GLIS3: variants seen among roughly 807,000 people sequenced by gnomAD.
GLIS3 encodes GLIS family zinc finger 3.
Under a neutral mutation model 78.6 loss-of-function variants are expected in GLIS3, and 53 were observed. The observed-to-expected ratio is 0.67, with a 90% CI of 0.54 to 0.85. The LOEUF (loss-of-function observed/expected upper bound fraction) is 0.85, where lower values mean the gene tolerates loss of function less well. Ranked by LOEUF, GLIS3 falls within the 40% of genes least tolerant of loss-of-function variation. GLIS3 has a pLI of 0.00. For synonymous variants in GLIS3, 684 were observed against 509.9 expected (o/e 1.34, Z -4.60); for missense variants, 1,703 against 1,231.1 (o/e 1.38, Z -5.74).
At chr9:4,472,185 G>A in the GLIS3 span, among the ~76,000 whole-genome samples, 1 of 152,202 alleles carries the variant, frequency 6.6e-6, no homozygotes, top group Non-Finnish European at 1.5e-5. Flanking sequence ...CATCCATTGT[G>A]GAAGACAGTG....
chr9:4,173,591 CACACACACACAT>C (rs951070541), intron 2 of GLIS3, among the ~76,000 whole-genome samples: 16 of 116,042 alleles, frequency 1.4e-4, no homozygotes, highest in Non-Finnish European at 1.9e-4. Context: ...CACACACACA[CACACACACACAT>C]ATATATGTTT....
chr9:4,380,389 AAATT>A, the GLIS3 span, among the ~76,000 whole-genome samples: 2 of 152,246 alleles, frequency 1.3e-5, no homozygotes, highest in African/African-American at 4.8e-5. Flanking sequence ...GGCAAACTTC[AAATT>A]ATTACTGCCC....
chr9:3,855,883 C>A lies in GLIS3; in HGVS notation c.2473+126G>T, dbSNP rs1032785212. 4.8e-6 allele frequency: 5 copies of A among 1,035,110 alleles called. No homozygotes were observed. In the African/African-American group the frequency reaches 6.3e-5, roughly 13 times the overall value. The allele number at this position is 1,035,110 out of a possible 1,614,324, so 64.1% of individuals were successfully genotyped here. ...CCTATCAAGTGTGAAATTTTAGAGG[C>A]AAGTCATGAAAGCCTAAGCCTGGTG... On this transcript the variant is annotated intron_variant, in intron 9 of 10. Coordinates refer to ENST00000381971, the MANE Select transcript of GLIS3 (RefSeq NM_001042413.2).
chr9:4,082,797 A>G (rs1001019550), intron 4 of GLIS3, among the ~76,000 whole-genome samples: 2 of 152,242 alleles, frequency 1.3e-5, no homozygotes, highest in Admixed American at 1.3e-4. Context: ...TTTGTCAGAC[A>G]TACTAAAGTA....
In GLIS3 at chr9:4,286,221, C is replaced by T. The variant is rs1827980738; in HGVS notation, c.205G>A (p.Ala69Thr). ...HLKMPSGGGM[A>T]PQNNVAESRI... ...CTCTCAGCCACGTTGTTCTGAGGAG[C>T]CATCCCTCCTCCTGAGGGCATCTTG... The change falls in exon 2 of 11, where the codon GCT becomes ACT. Residue 69 changes from alanine (A) to threonine (T), a missense_variant. Coordinates refer to ENST00000381971, the MANE Select transcript of GLIS3 (RefSeq NM_001042413.2). The T allele has an allele frequency of 6.2e-7, 1 of 1,614,210 alleles. No homozygotes were observed. The highest frequency in any genetic ancestry group is 8.5e-7 in the Non-Finnish European group (1 of 1,180,038).
intron 4 of GLIS3, among the ~76,000 whole-genome samples, chr9:4,112,938 T>G (rs1586703810): frequency 6.6e-6 from 1 of 152,138 alleles, no homozygotes; most frequent in Admixed American, 6.6e-5. Context: ...TCTTTCCTTT[T>G]GAGATGTAAC....
chr9:4,286,998 A>AT (rs1163741309), intron 1 of GLIS3, among the ~76,000 whole-genome samples: 1 of 152,196 alleles, frequency 6.6e-6, no homozygotes, highest in Non-Finnish European at 1.5e-5. Context: ...ACCATCTCTG[A>AT]TTTTCACTTT....
At position 4,321,336 on chromosome 9, in the gene GLIS3, G is replaced by A. The variant is rs112457914; in HGVS notation, n.265-10808C>T. Among the ~76,000 whole-genome samples, 2 of 125,438 alleles carry A rather than the reference G, an allele frequency of 1.6e-5. 1 individual carries two copies. The highest frequency in any genetic ancestry group is 3.1e-5 in the Non-Finnish European group (2 of 65,228). 82.3% of individuals were successfully genotyped at this position (125,438 alleles called of 152,430 possible). ...ACTCGGGAGGCTGAGGCAGGAGAAT[G>A]GCGTGAACCCAGGAGGCGGAGCTTG... is the stretch of plus-strand genomic sequence containing the variant. On this transcript the variant is annotated intron_variant and non_coding_transcript_variant, in intron 2 of 4. Coordinates refer to the GLIS3 transcript ENST00000471664.
At chr9:3,964,801 T>A (rs1817806763) in intron 4 of GLIS3, among the ~76,000 whole-genome samples, 1 of 152,152 alleles carries the variant, frequency 6.6e-6, no homozygotes, top group South Asian at 2.1e-4. Context: ...TAGTAGGACA[T>A]GAGTGTGAGG....
At chr9:4,089,128 G>C (rs970222297) in intron 4 of GLIS3, among the ~76,000 whole-genome samples, 2 of 152,172 alleles carry the variant, frequency 1.3e-5, no homozygotes, top group Non-Finnish European at 2.9e-5. Flanking sequence ...ATGTGGCCTA[G>C]TTTTTTATGT....
At chr9:4,190,594 T>C (rs1311265288) in intron 2 of GLIS3, among the ~76,000 whole-genome samples, 11 of 150,324 alleles carry the variant, frequency 7.3e-5, no homozygotes, top group Admixed American at 2.0e-4. Flanking sequence ...TGGAACCAAG[T>C]TGGAAAACAC....
At chr9:4,396,779 ACCC>A in the GLIS3 span, among the ~76,000 whole-genome samples, 1 of 152,062 alleles carries the variant, frequency 6.6e-6, no homozygotes, top group South Asian at 2.1e-4. Context: ...CTTTCATGGA[ACCC>A]AGGTTATAAC....
chr9:4,386,446 C>G, the GLIS3 span: 1 of 151,202 alleles, frequency 6.6e-6, no homozygotes, highest in Non-Finnish European at 1.5e-5. Flanking sequence ...GCATGTTATC[C>G]TTGTGCAAGG....
At chr9:4,199,782 G>A (rs1384340253) in intron 2 of GLIS3, among the ~76,000 whole-genome samples, 1 of 152,078 alleles carries the variant, frequency 6.6e-6, no homozygotes, top group African/African-American at 2.4e-5. Flanking sequence ...AAAATCTGTA[G>A]TTAAATTCAA....
intron 4 of GLIS3, among the ~76,000 whole-genome samples, chr9:4,015,424 G>A (rs1181313096): frequency 6.6e-6 from 1 of 152,094 alleles, no homozygotes; most frequent in African/African-American, 2.4e-5. Context: ...AAAAGACAGA[G>A]GAAACTCTCA....
chr9:4,112,978 C>G (rs1297367785), intron 4 of GLIS3, among the ~76,000 whole-genome samples: 1 of 151,386 alleles, frequency 6.6e-6, no homozygotes, highest in Non-Finnish European at 1.5e-5. Flanking sequence ...GTTACCCTGC[C>G]CCCATGATTT....
At position 3,892,783 on chromosome 9, in the gene GLIS3, C is replaced by G. The variant is rs115991329; in HGVS notation, c.2128+5908G>C. On this transcript the variant is annotated intron_variant, in intron 7 of 10. Transcript: ENST00000381971. ...AAGTCAGAACTTTAGACTCAGCAGT[C>G]TGGTCTATAACCTCTTAACCATAAA... is the stretch of plus-strand genomic sequence containing the variant. Among the ~76,000 whole-genome samples, 1,372 of 152,178 alleles carry G rather than the reference C, an allele frequency of 9.0e-3. 19 individuals are homozygous for G. Among genetic ancestry groups the G allele is most frequent in the African/African-American group, 0.029 (1,198 of 41,504 alleles).
chr9:4,445,124 G>C, the GLIS3 span, among the ~76,000 whole-genome samples: 12 of 152,216 alleles, frequency 7.9e-5, no homozygotes, highest in African/African-American at 2.9e-4. Flanking sequence ...GTGCAATGAG[G>C]TGTGGGAGAG....
chr9:3,998,179 C>T (rs1221682061), intron 4 of GLIS3, among the ~76,000 whole-genome samples: 1 of 152,120 alleles, frequency 6.6e-6, no homozygotes, highest in Non-Finnish European at 1.5e-5. Context: ...CTAGACTCAT[C>T]TTAGTCTTTC....
Sources: allele counts gnomAD v4.1 joint callset (sites outside exome capture counted in the v4.1 genomes callset), GRCh38; gene constraint gnomAD v4.1.1; transcripts MANE v1.5; gene names NCBI Gene and HGNC (gene_info 2026-07-23, HGNC 2026-07-21).